Variants in MACROD2 observed in about 807,000 individuals in gnomAD.
The protein encoded by MACROD2 is mono-ADP ribosylhydrolase 2, also known as ADP-ribose glycohydrolase MACROD2.
MACROD2 carries 36 observed loss-of-function variants against 70.4 expected under a neutral mutation model. The ratio of observed to expected loss-of-function variants is 0.51; its 90% CI spans 0.39 to 0.68. The LOEUF is 0.68. Ranked by LOEUF, MACROD2 falls within the 30% of genes least tolerant of loss-of-function variation. MACROD2 has a pLI of 0.00. For missense variants in MACROD2, 496 were observed against 538.4 expected, an observed-to-expected ratio of 0.92 and a Z score of 0.78; for synonymous variants, 172 against 178.8, an observed-to-expected ratio of 0.96 and a Z score of 0.30.
At chr20:14,001,145 C>G (rs2052728511) in intron 1 of MACROD2, among the ~76,000 whole-genome samples, 1 of 152,078 alleles carries the variant, frequency 6.6e-6, no homozygotes, top group South Asian at 2.1e-4. Context: ...AGATGTTTGT[C>G]TGAATTTTAA....
chr20:14,199,016 C>A (rs574959072), intron 3 of MACROD2, among the ~76,000 whole-genome samples: 2 of 151,964 alleles, frequency 1.3e-5, no homozygotes, highest in African/African-American at 4.8e-5. Flanking sequence ...CTTGTCCTCC[C>A]TCCCTTCCTT....
chr20:15,058,124 T>G (rs534409786), intron 5 of MACROD2, among the ~76,000 whole-genome samples: 1 of 152,204 alleles, frequency 6.6e-6, no homozygotes, highest in Non-Finnish European at 1.5e-5. Flanking sequence ...GGGAAGGGCA[T>G]AGTCTTTCTA....
intron 4 of MACROD2, among the ~76,000 whole-genome samples, chr20:14,617,396 A>C (rs1365297071): frequency 1.3e-5 from 2 of 151,990 alleles, no homozygotes; most frequent in African/African-American, 2.4e-5. Context: ...TATATTTGAG[A>C]CTTTACCCTT....
At position 15,258,404 on chromosome 20, in the gene MACROD2, C is replaced by A. The variant is rs532468503; in HGVS notation, c.540+28343C>A. Among the ~76,000 whole-genome samples the A allele has an allele frequency of 4.5e-4, 69 of 152,168 alleles. 1 individual carries two copies. The highest frequency in any genetic ancestry group is 1.6e-3 in the African/African-American group (67 of 41,536). On this transcript the variant is annotated intron_variant, in intron 6 of 17. Transcript: ENST00000684519. ...ATGGCAAGTGCCCTACACAGGTGTA[C>A]CCTTTAAAGAAATCTTTTATACCAT...
rs1378618324 is a variant in MACROD2 at position 14,335,247 on chromosome 20, GTC to G, written c.272-158230_272-158229del. 2.6e-5 allele frequency among the ~76,000 whole-genome samples: 4 copies of G among 152,236 alleles called. No homozygotes were observed. The East Asian group carries it at 7.7e-4, about 29-fold the overall frequency. On this transcript the variant is annotated intron_variant, in intron 3 of 17. Coordinates refer to ENST00000684519, the MANE Select transcript of MACROD2 (RefSeq NM_001351661.2). ...CTAGAGAGACTGAGTGTTCATTAGG[GTC>G]TTGTGTCCCTAGGCAGGAGATGCTG...
Position 14,423,755 on chromosome 20 carries a change from A to ATTTTTTTTTTTTTTTT in MACROD2, c.272-69715_272-69700dup, listed in dbSNP as rs1165796772. ...GTCCACCATTTTGCTGACATCTTAA[A>ATTTTTTTTTTTTTTTT]TTTTTTTTTTTTTTTTTTTTTTTTG... On this transcript the variant is annotated intron_variant, in intron 3 of 17. Transcript: ENST00000684519. Among the ~76,000 whole-genome samples the ATTTTTTTTTTTTTTTT allele has an allele frequency of 7.3e-4, 46 of 63,108 alleles. 3 individuals carry two copies. The highest frequency in any genetic ancestry group is 1.1e-3 in the Non-Finnish European group (38 of 35,548). The allele number at this position is 63,108 out of a possible 152,430, so 41.4% of individuals were successfully genotyped here.
In MACROD2 at chr20:14,358,702, C is replaced by T. The variant is rs148574337; in HGVS notation, c.272-134777C>T. On this transcript the variant is annotated intron_variant, in intron 3 of 17. Transcript: ENST00000684519. ...CGATTTCTTGACCTCGTGATCCACCCGCCTCGACCTCCCAAAGTGCTGGGA... is the reference window on the plus strand; with the variant it reads ...CGATTTCTTGACCTCGTGATCCACCTGCCTCGACCTCCCAAAGTGCTGGGA... Among the ~76,000 whole-genome samples, 499 of 152,134 alleles carry T rather than the reference C, an allele frequency of 3.3e-3. 1 individual carries two copies. Among genetic ancestry groups the T allele is most frequent in the African/African-American group, 0.011 (476 of 41,498 alleles).
At chr20:15,379,640 C>T (rs566208299) in intron 6 of MACROD2, among the ~76,000 whole-genome samples, 1 of 152,250 alleles carries the variant, frequency 6.6e-6, no homozygotes, top group South Asian at 2.1e-4. Flanking sequence ...TTTCTCTTCA[C>T]CTGGAAAATG....
At chr20:15,112,203 A>G (rs893587531) in intron 5 of MACROD2, among the ~76,000 whole-genome samples, 4 of 152,190 alleles carry the variant, frequency 2.6e-5, no homozygotes, top group Non-Finnish European at 5.9e-5. Flanking sequence ...GACAAAATAT[A>G]TCTTCTTAAT....
At chr20:14,526,518 A>G (rs1455429015) in intron 4 of MACROD2, among the ~76,000 whole-genome samples, 2 of 152,190 alleles carry the variant, frequency 1.3e-5, no homozygotes, top group African/African-American at 2.4e-5. Context: ...TCTTGTTTAC[A>G]TATTTCTGCA....
rs1052293162 is a variant in MACROD2, at chr20:14,843,513, A to G, written c.418+158554A>G. ...CTTCTTACTTTTCCACTAGGTGAGC[A>G]AGGCAGGTAAATTAAATCTGTCCTG... On this transcript the variant is annotated intron_variant, in intron 5 of 17. Coordinates refer to ENST00000684519, the MANE Select transcript of MACROD2 (RefSeq NM_001351661.2). 1.4e-4 allele frequency among the ~76,000 whole-genome samples: 22 copies of G among 152,194 alleles called. No individual in the cohort carries two copies. In the East Asian group the frequency reaches 3.9e-3, roughly 27 times the overall value.
In MACROD2 at chr20:15,933,283, C is replaced by T. The variant is rs373690455; in HGVS notation, c.783C>T (p.Asn261=). ...CTGTGGTTTTCTTGAAAGATGAGAA[C>T]GGTCCAGAGGAGAAGCAAAGTGTGG... is the stretch of plus-strand genomic sequence containing the variant. ...DVEMKEDSDE[N]GPEEKQSVEE... Residue 261 remains asparagine (N), a synonymous_variant, in exon 11 of 18, where the codon AAC becomes AAT. Transcript: ENST00000684519. 1.1e-4 allele frequency: 173 copies of T among 1,612,804 alleles called. 1 individual carries two copies. The South Asian group carries it at 1.2e-3, about 11-fold the overall frequency.
intron 2 of MACROD2, among the ~76,000 whole-genome samples, chr20:14,004,878 A>G (rs2052791772): frequency 6.6e-6 from 1 of 152,134 alleles, no homozygotes; most frequent in African/African-American, 2.4e-5. Context: ...TTAGAACAGT[A>G]TATCAGTTTT....
At chr20:15,066,911 C>T (rs530448153) in intron 5 of MACROD2, among the ~76,000 whole-genome samples, 8 of 150,770 alleles carry the variant, frequency 5.3e-5, no homozygotes, top group Non-Finnish European at 1.0e-4. Context: ...ATAAGTGCAG[C>T]GAACTACAGG....
chr20:14,268,734 ATTC>A, intron 3 of MACROD2, among the ~76,000 whole-genome samples: 1 of 152,176 alleles, frequency 6.6e-6, no homozygotes, highest in African/African-American at 2.4e-5. Flanking sequence ...AATATTAACT[ATTC>A]ATATGAAATA....
chr20:14,561,819 A>G (rs1248084068), intron 4 of MACROD2, among the ~76,000 whole-genome samples: 7 of 151,896 alleles, frequency 4.6e-5, no homozygotes, highest in Non-Finnish European at 1.0e-4. Flanking sequence ...TCTCTATTAC[A>G]GCTTAAACTG....
chr20:14,366,928 T>G (rs2083278407), intron 3 of MACROD2, among the ~76,000 whole-genome samples: 2 of 152,222 alleles, frequency 1.3e-5, no homozygotes, highest in South Asian at 2.1e-4. Flanking sequence ...GGCTTGCTTC[T>G]GCCATTTTGC....
intron 6 of MACROD2, among the ~76,000 whole-genome samples, chr20:15,319,974 C>T (rs927866636): frequency 6.6e-6 from 1 of 152,028 alleles, no homozygotes; most frequent in Admixed American, 6.6e-5. Context: ...TTTGGGAGAC[C>T]GAGGTGGGCG....
At chr20:15,196,090 G>T (rs1369198352) in intron 5 of MACROD2, among the ~76,000 whole-genome samples, 2 of 152,150 alleles carry the variant, frequency 1.3e-5, no homozygotes, top group Non-Finnish European at 2.9e-5. Flanking sequence ...GTGGAGCAGG[G>T]AAAGGGAGAG....
Sources: gnomAD v4.1 joint callset for allele counts (sites outside exome capture counted in the v4.1 genomes callset) on GRCh38, gnomAD v4.1.1 for gene constraint, MANE v1.5 for transcripts, NCBI Gene and HGNC (gene_info 2026-07-23, HGNC 2026-07-21) for gene names.